Variants in SORCS2 observed in about 807,000 individuals in gnomAD.
The protein encoded by SORCS2 is sortilin related VPS10 domain containing receptor 2, also known as VPS10 domain-containing receptor SorCS2.
SORCS2 carries 100 observed loss-of-function variants against 141.6 expected under a neutral mutation model. That is an observed-to-expected ratio of 0.71 (90% CI 0.60 to 0.83). The LOEUF (loss-of-function observed/expected upper bound fraction) is 0.83. Ranked by LOEUF, SORCS2 falls within the 40% of genes least tolerant of loss-of-function variation. SORCS2 has a pLI of 0.00. For synonymous variants in SORCS2, 789 were observed against 676.9 expected, an observed-to-expected ratio of 1.17 and a Z score of -2.57; for missense variants, 1,646 against 1,560.2, an observed-to-expected ratio of 1.05 and a Z score of -0.93.
intron 23 of SORCS2, among the ~76,000 whole-genome samples, chr4:7,732,216 A>AG (rs1233750374): frequency 6.6e-6 from 1 of 152,234 alleles, no homozygotes; most frequent in African/African-American, 2.4e-5. Context: ...TCGAATCATC[A>AG]GGGAAATGCT....
chr4:7,408,149 T>C (rs1193096654), intron 2 of SORCS2, among the ~76,000 whole-genome samples: 2 of 152,186 alleles, frequency 1.3e-5, no homozygotes, highest in Non-Finnish European at 2.9e-5. Context: ...TTTGTCCATG[T>C]CCCTAATTTT....
chr4:7,687,088 C>T lies in SORCS2; in HGVS notation c.1489-2398C>T, dbSNP rs1486051256. Among the ~76,000 whole-genome samples the T allele has an allele frequency of 2.6e-5, 4 of 152,332 alleles. No individual in the cohort carries two copies. In the East Asian group the frequency reaches 5.8e-4, roughly 22 times the overall value. On this transcript the variant is annotated intron_variant, in intron 10 of 26. Transcript: ENST00000507866. ...TGCACGCAGCAAGTGACCAGATGTG[C>T]ACAGCTCATCGGGGGAACGGGAGAG...
intron 2 of SORCS2, among the ~76,000 whole-genome samples, chr4:7,453,929 ACTGTGTTGGGGTCAGGAG>A (rs1728675459): frequency 6.1e-5 from 5 of 82,612 alleles, no homozygotes; most frequent in African/African-American, 2.0e-4. Flanking sequence ...GGGGTCAGGC[ACTGTGTTGGGGTCAGGAG>A]CTGTGTGTTG....
At chr4:7,698,829 G>T (rs1363301133) in intron 12 of SORCS2, among the ~76,000 whole-genome samples, 1 of 150,480 alleles carries the variant, frequency 6.6e-6, no homozygotes, top group African/African-American at 2.5e-5. Context: ...GCGTGTGGCA[G>T]GGGAGGGAGA....
chr4:7,606,687 G>A (rs1245534635), intron 3 of SORCS2, among the ~76,000 whole-genome samples: 1 of 152,032 alleles, frequency 6.6e-6, no homozygotes, highest in Non-Finnish European at 1.5e-5. Context: ...TGTTCACCCT[G>A]AGCTTCAGGG....
At chr4:7,270,837 C>G (rs1025326057) in intron 1 of SORCS2, among the ~76,000 whole-genome samples, 25 of 152,354 alleles carry the variant, frequency 1.6e-4, no homozygotes, top group Non-Finnish European at 1.5e-4. Context: ...ACACACCCCA[C>G]TGGGGAATGA....
intron 2 of SORCS2, among the ~76,000 whole-genome samples, chr4:7,449,998 G>A (rs1258412448): frequency 6.6e-6 from 1 of 152,200 alleles, no homozygotes; most frequent in African/African-American, 2.4e-5. Context: ...CCTGAAGAAT[G>A]GGGCCCCTGG....
At chr4:7,613,940 C>G (rs1055051310) in intron 3 of SORCS2, among the ~76,000 whole-genome samples, 1 of 152,054 alleles carries the variant, frequency 6.6e-6, no homozygotes, top group African/African-American at 2.4e-5. Flanking sequence ...CTCATCCATT[C>G]ATTCATTCAT....
Position 7,664,530 on chromosome 4 carries a change from T to C in SORCS2, c.1071+59T>C, listed in dbSNP as rs28593234. On this transcript the variant is annotated intron_variant, in intron 7 of 26. Coordinates refer to ENST00000507866, the MANE Select transcript of SORCS2 (RefSeq NM_020777.3). The surrounding 1 kb of genome is among the most constrained non-coding windows in gnomAD (Gnocchi z 4.7). ...AACAGGTGACGTGGCGGATGACCCG[T>C]TCGCGGCAAAAATGGCATCGCTCAG... The C allele has an allele frequency of 1.6e-6, 2 of 1,285,710 alleles. No individual in the cohort carries two copies. Among genetic ancestry groups the C allele is most frequent in the Admixed American group, 2.3e-5 (1 of 43,904 alleles). 79.6% of individuals were successfully genotyped at this position (1,285,710 alleles called of 1,614,324 possible).
intron 4 of SORCS2, among the ~76,000 whole-genome samples, chr4:7,642,873 A>G (rs983649858): frequency 1.3e-5 from 2 of 152,174 alleles, no homozygotes; most frequent in African/African-American, 4.8e-5. Context: ...GGGGTTGCAA[A>G]CCACACAAGC....
intron 1 of SORCS2, among the ~76,000 whole-genome samples, chr4:7,336,350 C>T (rs1235968764): frequency 2.6e-5 from 4 of 152,282 alleles, no homozygotes; most frequent in Non-Finnish European, 5.9e-5. Flanking sequence ...TCTGAGACTG[C>T]GACTGCTGTC....
intron 1 of SORCS2, among the ~76,000 whole-genome samples, chr4:7,301,867 C>T (rs1717455854): frequency 6.6e-6 from 1 of 152,256 alleles, no homozygotes; most frequent in Non-Finnish European, 1.5e-5. Flanking sequence ...TCCTGCAGGG[C>T]TCTTTCTTGG....
intron 1 of SORCS2, among the ~76,000 whole-genome samples, chr4:7,307,461 A>C (rs555357238): frequency 2.3e-3 from 343 of 152,314 alleles, no homozygotes; most frequent in African/African-American, 7.7e-3. Flanking sequence ...CTCATTTTAC[A>C]GATGGGGAAA....
At chr4:7,411,186 A>C (rs1175030831) in intron 2 of SORCS2, among the ~76,000 whole-genome samples, 1 of 150,510 alleles carries the variant, frequency 6.6e-6, no homozygotes, top group African/African-American at 2.4e-5. Context: ...CGTCTCTTGA[A>C]CTCGTGATCC....
In SORCS2 at chr4:7,664,160, A is replaced by C. The variant is rs557758645; in HGVS notation, c.953-193A>C. The stretch of plus-strand genomic sequence containing the variant: ...CCTGAGGGTTGAAGGAGCTCGTGTC[A>C]GAGTGCAGGTGGCCCACAGTGAGCG... On this transcript the variant is annotated intron_variant, in intron 6 of 26. Transcript: ENST00000507866. The surrounding 1 kb of genome is among the most constrained non-coding windows in gnomAD (Gnocchi z 4.7). 6.6e-6 allele frequency among the ~76,000 whole-genome samples: 1 copy of C among 152,238 alleles called. No homozygotes were observed. The highest frequency in any genetic ancestry group is 1.5e-5 in the Non-Finnish European group (1 of 68,020).
In SORCS2 at chr4:7,675,984, G is replaced by A. The variant is rs989017800; in HGVS notation, c.1162-66G>A. The A allele has an allele frequency of 2.2e-5, 33 of 1,523,934 alleles. No homozygotes were observed. The Admixed American group carries it at 2.4e-4, about 11-fold the overall frequency. 94.4% of individuals were successfully genotyped at this position (1,523,934 alleles called of 1,614,324 possible). ...TGCACCCTCACGGCCTGTGCAGCCT[G>A]CTTCTTCCTCCCTCGTGCAGCCCCC... is the stretch of plus-strand genomic sequence containing the variant. On this transcript the variant is annotated intron_variant, in intron 8 of 26. Coordinates refer to ENST00000507866, the MANE Select transcript of SORCS2 (RefSeq NM_020777.3).
intron 1 of SORCS2, among the ~76,000 whole-genome samples, chr4:7,338,204 G>T (rs1720124590): frequency 6.7e-6 from 1 of 149,342 alleles, no homozygotes; most frequent in Admixed American, 6.7e-5. Flanking sequence ...GATGGATGTT[G>T]GTTGGATGGA....
At chr4:7,414,893 A>G (rs1283334911) in intron 2 of SORCS2, among the ~76,000 whole-genome samples, 2 of 152,076 alleles carry the variant, frequency 1.3e-5, no homozygotes, top group Non-Finnish European at 2.9e-5. Context: ...AATGCTGAGG[A>G]TCTGTTTACC....
At chr4:7,330,353 C>T (rs1719575488) in intron 1 of SORCS2, among the ~76,000 whole-genome samples, 1 of 152,048 alleles carries the variant, frequency 6.6e-6, no homozygotes, top group African/African-American at 2.4e-5. Flanking sequence ...CAGCGTATCA[C>T]AAAGAGCTTC....
Sources: allele counts gnomAD v4.1 joint callset (sites outside exome capture counted in the v4.1 genomes callset), GRCh38; gene constraint gnomAD v4.1.1; non-coding constraint Gnocchi (gnomAD v3.1); transcripts MANE v1.5; gene names NCBI Gene and HGNC (gene_info 2026-07-23, HGNC 2026-07-21).